TMEM132B: variants seen among roughly 807,000 people sequenced by gnomAD.
TMEM132B encodes transmembrane protein 132B.
A neutral mutation model predicts 90.8 loss-of-function variants in TMEM132B; 18 were observed. The ratio of observed to expected loss-of-function variants is 0.20; its 90% CI spans 0.14 to 0.29. The LOEUF is 0.29. Among genes scored for constraint, TMEM132B ranks in the 10% least tolerant of loss-of-function variants. TMEM132B has a pLI of 1.00. For synonymous variants in TMEM132B, 504 were observed against 523.3 expected, an observed-to-expected ratio of 0.96 and a Z score of 0.50; for missense variants, 1,096 against 1,326.8, an observed-to-expected ratio of 0.83 and a Z score of 2.70.
chr12:125,389,752 T>C (rs1181898624), intron 2 of TMEM132B, among the ~76,000 whole-genome samples: 1 of 152,194 alleles, frequency 6.6e-6, no homozygotes, highest in African/African-American at 2.4e-5. Context: ...GGGTTTCTTC[T>C]AGATACATTG....
chr12:125,299,704 G>C (rs922432817), intron 1 of TMEM132B, among the ~76,000 whole-genome samples: 8 of 152,184 alleles, frequency 5.3e-5, no homozygotes, highest in Non-Finnish European at 8.8e-5. Flanking sequence ...CCACGTCAGT[G>C]TCAGTGTTCA....
At chr12:125,206,960 T>G (rs1221541834) in intron 1 of TMEM132B, among the ~76,000 whole-genome samples, 1 of 151,306 alleles carries the variant, frequency 6.6e-6, no homozygotes, top group Non-Finnish European at 1.5e-5. Flanking sequence ...CTGGGGGAGG[T>G]GTTTGGAGTA....
chr12:125,473,533 A>G (rs985471813), intron 3 of TMEM132B, among the ~76,000 whole-genome samples: 2 of 152,240 alleles, frequency 1.3e-5, no homozygotes, highest in African/African-American at 4.8e-5. Flanking sequence ...GACTTAATTA[A>G]TGAATCAAAC....
intron 4 of TMEM132B, among the ~76,000 whole-genome samples, chr12:125,555,574 G>T (rs150579702): frequency 9.4e-6 from 1 of 106,800 alleles, no homozygotes; most frequent in Non-Finnish European, 1.8e-5. Flanking sequence ...TGGGGTGGGG[G>T]GTGGGGGGAG....
intron 4 of TMEM132B, among the ~76,000 whole-genome samples, chr12:125,537,452 C>T (rs1431492814): frequency 6.6e-6 from 1 of 152,208 alleles, no homozygotes; most frequent in Non-Finnish European, 1.5e-5. Flanking sequence ...CTGGGGCCTT[C>T]CTGGGAACTT....
intron 4 of TMEM132B, among the ~76,000 whole-genome samples, chr12:125,521,604 A>G (rs2136666351): frequency 6.6e-6 from 1 of 152,140 alleles, no homozygotes; most frequent in South Asian, 2.1e-4. Context: ...ATCTGCTACT[A>G]CCCCCAGGCC....
intron 1 of TMEM132B, among the ~76,000 whole-genome samples, chr12:125,305,969 G>T (rs1312367873): frequency 1.3e-5 from 2 of 152,238 alleles, no homozygotes; most frequent in Non-Finnish European, 2.9e-5. Flanking sequence ...GAAGTTCCAG[G>T]CTTCACTAGC....
chr12:125,614,788 T>G (rs1885947739), intron 5 of TMEM132B, among the ~76,000 whole-genome samples: 1 of 152,166 alleles, frequency 6.6e-6, no homozygotes, highest in African/African-American at 2.4e-5. Flanking sequence ...TTTTAAAAAA[T>G]GTGGATTCAG....
At chr12:125,390,512 A>C (rs764755413) in intron 2 of TMEM132B, among the ~76,000 whole-genome samples, 1 of 152,142 alleles carries the variant, frequency 6.6e-6, no homozygotes, top group East Asian at 1.9e-4. Context: ...TGAGTTCTCC[A>C]CTCTGAATGT....
intron 1 of TMEM132B, among the ~76,000 whole-genome samples, chr12:125,344,035 C>T (rs958968081): frequency 2.0e-5 from 3 of 152,206 alleles, no homozygotes; most frequent in South Asian, 2.1e-4. Flanking sequence ...TTTAATTTCT[C>T]CTGCTAGGTA....
chr12:125,622,504 G>C (rs1017549105), intron 5 of TMEM132B: 3 of 985,384 alleles, frequency 3.0e-6, no homozygotes, highest in Non-Finnish European at 3.6e-6. Flanking sequence ...TCACAGTCAA[G>C]AAAGGTGTAG....
At chr12:125,266,062 C>A (rs750162131) in intron 1 of TMEM132B, among the ~76,000 whole-genome samples, 32 of 152,088 alleles carry the variant, frequency 2.1e-4, no homozygotes, top group African/African-American at 7.7e-4. Context: ...AACCCTGTCT[C>A]TACTAAAAAT....
rs761133801 is a variant in TMEM132B, at chr12:125,350,019, C to A, written c.635C>A (p.Pro212Gln). 6.2e-7 allele frequency: 1 copy of A among 1,614,228 alleles called. No homozygotes were observed. The highest frequency in any genetic ancestry group is 1.7e-5 in the Admixed American group (1 of 60,030). The stretch of plus-strand genomic sequence containing the variant: ...GACCTGGAACCAGAGGAGGAGATCC[C>A]AGCCCTGCTCGGGGGCACCACGATG... ...GLDLEPEEEI[P>Q]ALLGGTTMEL... The change falls in exon 2 of 9, where the codon CCA becomes CAA. Residue 212 changes from proline to glutamine, a missense_variant. Transcript: ENST00000682704.
At chr12:125,622,973 T>C (rs1182893053) in intron 5 of TMEM132B, among the ~76,000 whole-genome samples, 3 of 152,212 alleles carry the variant, frequency 2.0e-5, no homozygotes, top group African/African-American at 7.2e-5. Flanking sequence ...CCAAAATGTT[T>C]ATCTTTTCTT....
At chr12:125,358,120 A>G (rs1490175763) in intron 2 of TMEM132B, among the ~76,000 whole-genome samples, 1 of 151,924 alleles carries the variant, frequency 6.6e-6, no homozygotes, top group Non-Finnish European at 1.5e-5. Context: ...CCATGCTCCC[A>G]TCCCTAATCA....
At chr12:125,611,790 A>G (rs1885833747) in intron 5 of TMEM132B, among the ~76,000 whole-genome samples, 1 of 152,140 alleles carries the variant, frequency 6.6e-6, no homozygotes. Flanking sequence ...ATTTTAACTT[A>G]TTTAAATTAA....
intron 3 of TMEM132B, among the ~76,000 whole-genome samples, chr12:125,519,156 G>A (rs996541006): frequency 5.3e-5 from 8 of 152,178 alleles, no homozygotes; most frequent in East Asian, 1.9e-4. Flanking sequence ...AGAGCTGTGC[G>A]TGGCATGCGA....
intron 3 of TMEM132B, among the ~76,000 whole-genome samples, chr12:125,470,261 GC>G (rs1451058902): frequency 3.3e-5 from 5 of 152,158 alleles, no homozygotes; most frequent in African/African-American, 1.2e-4. Flanking sequence ...TCTTTCTCAA[GC>G]CCCAACCATC....
chr12:125,365,201 T>C (rs1209085819), intron 2 of TMEM132B, among the ~76,000 whole-genome samples: 1 of 151,996 alleles, frequency 6.6e-6, no homozygotes, highest in Non-Finnish European at 1.5e-5. Flanking sequence ...GCTTTTTAGC[T>C]GCACTTTCTT....
Sources: allele counts gnomAD v4.1 joint callset (sites outside exome capture counted in the v4.1 genomes callset), GRCh38; gene constraint gnomAD v4.1.1; transcripts MANE v1.5; gene names NCBI Gene and HGNC (gene_info 2026-07-23, HGNC 2026-07-21).